DSCAM: variants seen among roughly 807,000 people sequenced by gnomAD.
DSCAM encodes the protein cell adhesion molecule DSCAM.
DSCAM carries 47 observed loss-of-function variants against 217.7 expected under a neutral mutation model. That is an observed-to-expected ratio of 0.22 (90% confidence interval 0.17 to 0.28). The LOEUF (loss-of-function observed/expected upper bound fraction) is 0.28. Among genes scored for constraint, DSCAM ranks in the 10% least tolerant of loss-of-function variants. The pLI is 1.00. For synonymous variants in DSCAM, 1,056 were observed against 1,015.3 expected (o/e 1.04, Z -0.76); for missense variants, 2,080 against 2,618.3 (o/e 0.79, Z 4.49).
chr21:40,653,957 T>C (rs144058273), intron 3 of DSCAM, among the ~76,000 whole-genome samples: 1,731 of 151,952 alleles, frequency 0.011, 36 homozygotes, highest in African/African-American at 0.039. Context: ...TAGCCAGGCA[T>C]TGTGGCGGGC....
intron 14 of DSCAM, among the ~76,000 whole-genome samples, chr21:40,186,362 GATTTT>G (rs2090894715): frequency 6.6e-6 from 1 of 152,128 alleles, no homozygotes; most frequent in Non-Finnish European, 1.5e-5. Context: ...GGCCTAGAAG[GATTTT>G]ATTAACCCTT....
chr21:40,100,639 T>C (rs1245236789), intron 20 of DSCAM, among the ~76,000 whole-genome samples: 1 of 151,734 alleles, frequency 6.6e-6, no homozygotes, highest in African/African-American at 2.4e-5. Flanking sequence ...CTGAATCTTT[T>C]TTTTTTTTTT....
chr21:40,379,373 A>G (rs555552062), intron 3 of DSCAM, among the ~76,000 whole-genome samples: 2 of 152,350 alleles, frequency 1.3e-5, no homozygotes, highest in African/African-American at 4.8e-5. Flanking sequence ...ACATAGAAGG[A>G]GATAAATTTA....
intron 3 of DSCAM, among the ~76,000 whole-genome samples, chr21:40,392,190 A>C (rs1434889120): frequency 6.6e-6 from 1 of 152,200 alleles, no homozygotes; most frequent in East Asian, 1.9e-4. Flanking sequence ...AATCCTCAGT[A>C]CTTCCTGAAC....
chr21:40,264,152 G>A (rs547917797), intron 11 of DSCAM, among the ~76,000 whole-genome samples: 23 of 152,242 alleles, frequency 1.5e-4, no homozygotes, highest in South Asian at 6.2e-4. Context: ...CAATCCTTCT[G>A]AAATTATTCC....
At chr21:40,668,773 C>T (rs1414442877) in intron 3 of DSCAM, among the ~76,000 whole-genome samples, 3 of 152,048 alleles carry the variant, frequency 2.0e-5, no homozygotes, top group Admixed American at 1.3e-4. Flanking sequence ...CAGAAACTAA[C>T]GTCTGTGTAA....
intron 29 of DSCAM, 92 bp from the exon 30 acceptor site, chr21:40,052,199 T>C (rs929753243): frequency 1.3e-5 from 19 of 1,418,444 alleles, no homozygotes; most frequent in Non-Finnish European, 1.7e-5. Context: ...CTTGTGTTAT[T>C]GTTAATGACA....
intron 4 of DSCAM, among the ~76,000 whole-genome samples, chr21:40,361,775 A>T (rs1033363329): frequency 1.3e-5 from 2 of 152,302 alleles, no homozygotes; most frequent in African/African-American, 2.4e-5. Context: ...ATACACTCCC[A>T]ATTCATTTTT....
chr21:40,169,555 G>A (rs891181266), intron 15 of DSCAM, among the ~76,000 whole-genome samples: 13 of 152,112 alleles, frequency 8.5e-5, no homozygotes, highest in African/African-American at 1.2e-4. Flanking sequence ...AGCTGATTCC[G>A]CAGGTCAGGG....
chr21:40,094,684 T>C (rs1035080383), intron 20 of DSCAM, among the ~76,000 whole-genome samples: 1 of 152,144 alleles, frequency 6.6e-6, no homozygotes, highest in Non-Finnish European at 1.5e-5. Context: ...GTATAGTGCA[T>C]AAGGGTCTTA....
At chr21:40,132,449 T>C (rs995093050) in intron 19 of DSCAM, among the ~76,000 whole-genome samples, 3 of 152,232 alleles carry the variant, frequency 2.0e-5, no homozygotes, top group African/African-American at 7.2e-5. Context: ...TATTGATGTG[T>C]GACTTCCTAA....
chr21:40,750,641 G>T (rs532044633), intron 1 of DSCAM, among the ~76,000 whole-genome samples: 67 of 151,978 alleles, frequency 4.4e-4, no homozygotes, highest in African/African-American at 1.5e-3. Flanking sequence ...CCAACTGCCT[G>T]CTCACATCTG....
At chr21:40,603,254 C>T (rs2146264712) in intron 3 of DSCAM, among the ~76,000 whole-genome samples, 1 of 152,144 alleles carries the variant, frequency 6.6e-6, no homozygotes, top group Non-Finnish European at 1.5e-5. Context: ...AGAATATAGT[C>T]TTGGTGAATA....
At position 40,563,762 on chromosome 21, in the gene DSCAM, GTT is replaced by G. The variant is rs1008997434; in HGVS notation, c.508+129046_508+129047del. Among the ~76,000 whole-genome samples, 7 of 121,610 alleles carry G rather than the reference GTT, an allele frequency of 5.8e-5. No homozygotes were observed. In the South Asian group the frequency reaches 1.5e-3, roughly 26 times the overall value. The allele number at this position is 121,610 out of a possible 152,430, so 79.8% of individuals were successfully genotyped here. The stretch of plus-strand genomic sequence containing the variant: ...TATATATAGTTATATGTTTATATAT[GTT>G]TGTATGTTTATATATATGTTTATAT... On this transcript the variant is annotated intron_variant, in intron 3 of 32. Coordinates refer to ENST00000400454, the MANE Select transcript of DSCAM (RefSeq NM_001389.5).
chr21:40,121,667 G>C (rs2090034713), intron 20 of DSCAM, among the ~76,000 whole-genome samples: 1 of 130,340 alleles, frequency 7.7e-6, no homozygotes, highest in Non-Finnish European at 1.6e-5. Flanking sequence ...TGGTGGGTTT[G>C]CTCTCATTAC....
chr21:40,363,751 A>C (rs926355659), intron 4 of DSCAM, among the ~76,000 whole-genome samples: 2 of 152,350 alleles, frequency 1.3e-5, no homozygotes. Context: ...CAACCTACAG[A>C]ATAGGAGAAA....
At chr21:40,715,134 A>G (rs1485236505) in intron 1 of DSCAM, among the ~76,000 whole-genome samples, 1 of 152,240 alleles carries the variant, frequency 6.6e-6, no homozygotes, top group Non-Finnish European at 1.5e-5. Flanking sequence ...CAGTCTGTGT[A>G]TTCTGTTTTA....
rs566791190 is a variant in DSCAM at position 40,245,367 on chromosome 21, T to G, written c.2356+30730A>C. ...GGCAAGTCCTCGTGTCTGGGAACTG[T>G]TTCATGTTTTCAGGATTTACCCTAG... On this transcript the variant is annotated intron_variant, in intron 11 of 32. Transcript: ENST00000400454. Among the ~76,000 whole-genome samples, 13 of 152,258 alleles carry G rather than the reference T, an allele frequency of 8.5e-5. 1 individual carries two copies. The South Asian group carries it at 2.5e-3, about 29-fold the overall frequency.
chr21:40,198,320 T>A (rs189366203), intron 11 of DSCAM, among the ~76,000 whole-genome samples: 76 of 152,284 alleles, frequency 5.0e-4, no homozygotes, highest in African/African-American at 1.8e-3. Flanking sequence ...TTATTTAATA[T>A]CCCACTTCCT....
Sources: allele counts gnomAD v4.1 joint callset (sites outside exome capture counted in the v4.1 genomes callset), GRCh38; gene constraint gnomAD v4.1.1; transcripts MANE v1.5; gene names NCBI Gene and HGNC (gene_info 2026-07-23, HGNC 2026-07-21).